Variants in C19orf38 observed in about 807,000 individuals in gnomAD.
C19orf38 encodes the protein chromosome 19 open reading frame 38, also known as protein HIDE1.
A neutral mutation model predicts 26.6 loss-of-function variants in C19orf38; 14 were observed. The ratio of observed to expected loss-of-function variants is 0.53; its 90% CI spans 0.35 to 0.82. C19orf38 has a LOEUF of 0.82. C19orf38 is among the 40% of genes least tolerant of loss of function. The pLI is 0.01. For synonymous variants in C19orf38, 132 were observed against 128.5 expected (o/e 1.03, Z -0.18); for missense variants, 261 against 299.5 (o/e 0.87, Z 0.95).
rs940368099 is a variant in C19orf38, at chr19:10,850,190, C to T, written c.32-69C>T. On this transcript the variant is annotated intron_variant, in intron 1 of 6. Transcript: ENST00000397820. ...GCTGAGGGAGGGTGGTCTACTTGCC[C>T]GAGGCCACATAGCCAGGGCAGCCTC... 28 of 1,421,436 alleles carry T rather than the reference C, an allele frequency of 2.0e-5. No homozygotes were observed. In the African/African-American group the frequency reaches 2.2e-4, roughly 11 times the overall value. 88.1% of individuals were successfully genotyped at this position (1,421,436 alleles called of 1,614,324 possible).
intron 2 of C19orf38, among the ~76,000 whole-genome samples, chr19:10,855,030 C>CTTTTTTTTTT (rs33999724): frequency 1.3e-5 from 1 of 77,754 alleles, no homozygotes; most frequent in Non-Finnish European, 2.4e-5. Context: ...GATATATATT[C>CTTTTTTTTTT]TTTTTTTTTT....
chr19:10,861,590 T>G (rs968857774), intron 5 of C19orf38, among the ~76,000 whole-genome samples: 1 of 152,150 alleles, frequency 6.6e-6, no homozygotes, highest in African/African-American at 2.4e-5. Context: ...TTTTCTTTTT[T>G]TTTTTGAGAT....
intron 1 of C19orf38, chr19:10,842,213 G>T: frequency 7.3e-7 from 1 of 1,366,084 alleles, no homozygotes. Context: ...AAAACTTTCA[G>T]TGATGACTAC....
rs1165167610 is a variant in C19orf38 at position 10,850,386 on chromosome 19, AG to A, written c.165del (p.Gln56ArgfsTer15). 1.3e-6 allele frequency: 2 copies of A among 1,550,794 alleles called. No homozygotes were observed. Among genetic ancestry groups the A allele is most frequent in the African/African-American group, 1.4e-5 (1 of 72,962 alleles). On this transcript the variant is annotated frameshift_variant, in exon 2 of 7. Coordinates refer to ENST00000397820, the MANE Select transcript of C19orf38 (RefSeq NM_001136482.3). LOFTEE classifies it high-confidence loss of function. ...FPGANFTLYR[G>X]GQVVQLLQAP... Reference sequence around the variant, plus strand: ...CGGGGGCGAATTTCACACTGTATCGAGGGGGGCAGGTGGTCCAGCTCCTGCA... The same window carrying A: ...CGGGGGCGAATTTCACACTGTATCGAGGGGGCAGGTGGTCCAGCTCCTGCA...
Position 10,848,526 on chromosome 19 carries a change from G to T in C19orf38, c.18G>T (p.Leu6Phe), listed in dbSNP as rs779418693. 23 of 1,551,646 alleles carry T rather than the reference G, an allele frequency of 1.5e-5. No homozygotes were observed. In the South Asian group the frequency reaches 2.6e-4, roughly 18 times the overall value. ...AGAGAGAGATGCCCTGGACCATCTT[G>T]CTCTTTGCAGCTGGTGAGTCTGAAG... Reference protein sequence around the residue: MPWTILLFAAGSLAIP... With the variant: MPWTIFLFAAGSLAIP... Residue 6 changes from leucine (L) to phenylalanine (F), a missense_variant, in exon 1 of 7, where the codon TTG becomes TTT. By Grantham distance (22) the Leu-to-Phe change is conservative. Coordinates refer to ENST00000397820, the MANE Select transcript of C19orf38 (RefSeq NM_001136482.3).
At chr19:10,865,729 T>C (rs139452354) in intron 6 of C19orf38, among the ~76,000 whole-genome samples, 2,028 of 152,324 alleles carry the variant, frequency 0.013, 28 homozygotes, top group South Asian at 0.019. Flanking sequence ...TTGGTATTCC[T>C]TTCTGCAGAC....
chr19:10,845,692 A>C (rs144213041), upstream of C19orf38, among the ~76,000 whole-genome samples: 6,970 of 151,432 alleles, frequency 0.046, 191 homozygotes, highest in Middle Eastern at 0.088. Flanking sequence ...ATCCTGGCTA[A>C]CATGGTGAAA....
intron 1 of C19orf38, among the ~76,000 whole-genome samples, chr19:10,837,654 C>T (rs941872546): frequency 2.0e-5 from 3 of 151,246 alleles, no homozygotes. Context: ...ACTACAGGCA[C>T]GTGCCACCAC....
Position 10,855,080 on chromosome 19 carries a change from C to T in C19orf38, c.341-1185C>T, listed in dbSNP as rs1200158368. Among the ~76,000 whole-genome samples, 5 of 144,692 alleles carry T rather than the reference C, an allele frequency of 3.5e-5. No individual in the cohort carries two copies. In the East Asian group the frequency reaches 1.0e-3, roughly 29 times the overall value. The allele number at this position is 144,692 out of a possible 152,430, so 94.9% of individuals were successfully genotyped here. ...TGAGACAGATTCTAGCTGTGTCACCCAGACTGGAAGGCAATGGCCCAATCT... is the reference window on the plus strand; with the variant it reads ...TGAGACAGATTCTAGCTGTGTCACCTAGACTGGAAGGCAATGGCCCAATCT... On this transcript the variant is annotated intron_variant, in intron 2 of 6. Transcript: ENST00000397820.
chr19:10,857,207 A>C (rs1331231270), intron 3 of C19orf38, among the ~76,000 whole-genome samples: 1 of 147,392 alleles, frequency 6.8e-6, no homozygotes, highest in Non-Finnish European at 1.5e-5. Context: ...AAAATGCTGG[A>C]ATTACAGGCA....
chr19:10,855,333 A>T (rs957193277), intron 2 of C19orf38, among the ~76,000 whole-genome samples: 1 of 151,686 alleles, frequency 6.6e-6, no homozygotes, highest in Non-Finnish European at 1.5e-5. Flanking sequence ...GTGCCCAGCC[A>T]TCTCTTTTTT....
intron 5 of C19orf38, among the ~76,000 whole-genome samples, chr19:10,860,833 T>C (rs1177922284): frequency 8.5e-5 from 8 of 93,800 alleles, no homozygotes; most frequent in Admixed American, 2.8e-4. Flanking sequence ...AGAGCGAGAC[T>C]CCATCTCAAA....
In C19orf38 at chr19:10,859,405, C is replaced by T. The variant is rs1466635166; in HGVS notation, c.462-510C>T. 1.5e-3 allele frequency among the ~76,000 whole-genome samples: 170 copies of T among 112,302 alleles called. 2 individuals are homozygous for T. The highest frequency in any genetic ancestry group is 5.6e-3 in the African/African-American group (163 of 28,894). The allele number at this position is 112,302 out of a possible 152,430, so 73.7% of individuals were successfully genotyped here. On this transcript the variant is annotated intron_variant, in intron 4 of 6. Transcript: ENST00000397820. The stretch of plus-strand genomic sequence containing the variant: ...ATATATTTTTTTTTTTTTTTTTAGA[C>T]GGAGTCTCACTCTGTCGCCCAGGCT...
At chr19:10,863,049 G>T in intron 5 of C19orf38, 121 bp from the exon 6 acceptor site, 1 of 989,522 alleles carries the variant, frequency 1.0e-6, no homozygotes, top group Non-Finnish European at 1.6e-6. Flanking sequence ...CGCCATAGAG[G>T]ATGCTGGGAG....
At chr19:10,845,064 G>A (rs2073506582), upstream of C19orf38, among the ~76,000 whole-genome samples, 1 of 151,430 alleles carries the variant, frequency 6.6e-6, no homozygotes, top group Non-Finnish European at 1.5e-5. Context: ...GGCTGAGGTG[G>A]GAGGATCACT....
intron 1 of C19orf38, chr19:10,841,758 A>G (rs963344168): frequency 1.3e-6 from 1 of 756,538 alleles, no homozygotes; most frequent in Non-Finnish European, 2.2e-6. Context: ...GGATCTCTTG[A>G]GCCCAGGAGT....
chr19:10,861,473 G>T (rs1012440960), intron 5 of C19orf38, among the ~76,000 whole-genome samples: 4 of 152,210 alleles, frequency 2.6e-5, no homozygotes, highest in African/African-American at 9.7e-5. Flanking sequence ...TCGTAACCAA[G>T]ACAGATGTGC....
chr19:10,865,292 G>A (rs1427662404), intron 6 of C19orf38, among the ~76,000 whole-genome samples: 8 of 151,800 alleles, frequency 5.3e-5, no homozygotes, highest in African/African-American at 1.5e-4. Flanking sequence ...GATTACAGGC[G>A]CCTGCCATCG....
At chr19:10,866,033 A>G (rs1322237618) in intron 6 of C19orf38, among the ~76,000 whole-genome samples, 1 of 150,020 alleles carries the variant, frequency 6.7e-6, no homozygotes, top group East Asian at 2.0e-4. Flanking sequence ...TTATTTTTAA[A>G]TTTTATTTTA....
Sources: allele counts gnomAD v4.1 joint callset (sites outside exome capture counted in the v4.1 genomes callset), GRCh38; gene constraint gnomAD v4.1.1; transcripts MANE v1.5; gene names NCBI Gene and HGNC (gene_info 2026-07-23, HGNC 2026-07-21).